Variants in LRBA observed in about 807,000 individuals in gnomAD.
LRBA encodes the protein LPS responsive beige-like anchor protein, also known as lipopolysaccharide-responsive and beige-like anchor protein.
LRBA carries 176 observed loss-of-function variants against 330.0 expected under a neutral mutation model. The ratio of observed to expected loss-of-function variants is 0.53; its 90% CI spans 0.47 to 0.60. The LOEUF (loss-of-function observed/expected upper bound fraction) is 0.60. Ranked by LOEUF, LRBA falls within the 20% of genes least tolerant of loss-of-function variation. LRBA has a pLI of 0.00. For missense variants in LRBA, 3,259 were observed against 3,444.8 expected (o/e 0.95, Z 1.35); for synonymous variants, 1,230 against 1,193.0 (o/e 1.03, Z -0.64).
At chr4:150,660,274 C>CG (rs1554074912) in intron 37 of LRBA, among the ~76,000 whole-genome samples, 269 of 308 alleles carry the variant, frequency 0.87, 134 homozygotes, top group South Asian at 1. Flanking sequence ...GCCCCACGCC[C>CG]GCCAGCCGCC....
At position 150,928,569 on chromosome 4, in the gene LRBA, C is replaced by T. The variant is rs750122953; in HGVS notation, c.496G>A (p.Val166Ile). The T allele has an allele frequency of 2.5e-6, 4 of 1,613,732 alleles. No individual in the cohort carries two copies. The African/African-American group carries it at 5.3e-5, about 22-fold the overall frequency. Residue 166 changes from valine (V) to isoleucine (I), a missense_variant, in exon 4 of 57, where the codon GTT becomes ATT. By Grantham distance (29) the Val-to-Ile change is conservative. Transcript: ENST00000651943. ...LGVLASYNLT[V>I]RELKLFFSKL... ...CTGAAGAAAAGCTTTAGCTCGCGAA[C>T]TGTCAAATTATAGCTAGCCAGCACT...
chr4:150,282,097 A>G (rs535030168), intron 55 of LRBA, among the ~76,000 whole-genome samples: 1 of 152,334 alleles, frequency 6.6e-6, no homozygotes, highest in Non-Finnish European at 1.5e-5. Flanking sequence ...CTAATGTACT[A>G]TTTCAGCTTT....
intron 2 of LRBA, among the ~76,000 whole-genome samples, chr4:150,941,599 T>C (rs747504667): frequency 1.3e-5 from 2 of 152,210 alleles, no homozygotes; most frequent in Admixed American, 6.5e-5. Context: ...ACATTTCTTA[T>C]ATAGTGTCTG....
intron 41 of LRBA, among the ~76,000 whole-genome samples, chr4:150,488,977 T>C (rs1351059233): frequency 8.0e-6 from 1 of 124,258 alleles, no homozygotes; most frequent in African/African-American, 3.0e-5. Flanking sequence ...TATATAAGAA[T>C]ATATAACATA....
At chr4:150,654,433 C>G (rs902905084) in intron 37 of LRBA, among the ~76,000 whole-genome samples, 1 of 152,176 alleles carries the variant, frequency 6.6e-6, no homozygotes, top group Non-Finnish European at 1.5e-5. Context: ...ACGCGATCCA[C>G]CCATCTTGGC....
chr4:150,409,608 G>T (rs1352136731), intron 47 of LRBA, among the ~76,000 whole-genome samples: 1 of 151,912 alleles, frequency 6.6e-6, no homozygotes, highest in Non-Finnish European at 1.5e-5. Flanking sequence ...TCCCCAAAAG[G>T]ATTTTGGCCA....
chr4:150,820,929 A>G (rs1025349447), intron 30 of LRBA, among the ~76,000 whole-genome samples: 12 of 152,104 alleles, frequency 7.9e-5, no homozygotes, highest in Non-Finnish European at 2.9e-5. Flanking sequence ...AAGATTGATC[A>G]TGCAAAAACT....
intron 2 of LRBA, among the ~76,000 whole-genome samples, chr4:150,967,594 AC>A (rs1739046011): frequency 6.6e-6 from 1 of 152,220 alleles, no homozygotes; most frequent in Non-Finnish European, 1.5e-5. Flanking sequence ...CTTTGCAGAT[AC>A]AGCATTTTTT....
chr4:150,435,194 CA>C (rs1015150065), intron 46 of LRBA, among the ~76,000 whole-genome samples: 1 of 151,344 alleles, frequency 6.6e-6, no homozygotes, highest in African/African-American at 2.4e-5. Flanking sequence ...AAAAAAAATA[CA>C]AAAAAACTAG....
At chr4:150,945,864 A>C (rs1457218024) in intron 2 of LRBA, among the ~76,000 whole-genome samples, 2 of 151,838 alleles carry the variant, frequency 1.3e-5, no homozygotes, top group African/African-American at 4.8e-5. Flanking sequence ...CAGTGGCACA[A>C]TCTCAGCTCA....
chr4:150,793,409 T>C (rs1238615201), intron 34 of LRBA, among the ~76,000 whole-genome samples: 4 of 152,166 alleles, frequency 2.6e-5, no homozygotes, highest in Non-Finnish European at 4.4e-5. Flanking sequence ...ATTAGTTGTC[T>C]TAATGAAAAT....
chr4:150,825,566 A>T (rs911668614), intron 30 of LRBA, among the ~76,000 whole-genome samples: 1 of 151,946 alleles, frequency 6.6e-6, no homozygotes, highest in Non-Finnish European at 1.5e-5. Flanking sequence ...GTGGGGTTTC[A>T]CCATGTTGGC....
chr4:150,553,167 G>A (rs564092953), intron 40 of LRBA, among the ~76,000 whole-genome samples: 1 of 152,096 alleles, frequency 6.6e-6, no homozygotes, highest in South Asian at 2.1e-4. Context: ...GTCATTTGTA[G>A]GGACATGGAT....
intron 36 of LRBA, among the ~76,000 whole-genome samples, chr4:150,699,643 A>AGAG (rs1320971568): frequency 1.1e-4 from 16 of 152,206 alleles, no homozygotes; most frequent in Non-Finnish European, 1.9e-4. Context: ...TAATGGGTAC[A>AGAG]TTAGGTTTAT....
intron 4 of LRBA, among the ~76,000 whole-genome samples, chr4:150,925,979 C>T (rs1364089172): frequency 6.6e-6 from 1 of 152,052 alleles, no homozygotes; most frequent in Admixed American, 6.5e-5. Context: ...CCTGAGAAAA[C>T]AAAATGACTT....
intron 48 of LRBA, among the ~76,000 whole-genome samples, chr4:150,347,780 T>A (rs1736594343): frequency 6.6e-6 from 1 of 152,218 alleles, no homozygotes; most frequent in African/African-American, 2.4e-5. Flanking sequence ...TACACCTATA[T>A]TCAAATATAT....
At chr4:150,525,471 T>C (rs917148496) in intron 40 of LRBA, among the ~76,000 whole-genome samples, 1 of 152,184 alleles carries the variant, frequency 6.6e-6, no homozygotes, top group Non-Finnish European at 1.5e-5. Flanking sequence ...GTGTGCTAGA[T>C]AAACGGCCTA....
intron 34 of LRBA, among the ~76,000 whole-genome samples, chr4:150,791,636 T>G (rs895760951): frequency 3.3e-5 from 5 of 152,150 alleles, no homozygotes; most frequent in African/African-American, 1.2e-4. Flanking sequence ...ACCATAAAAC[T>G]GAAAATTCTA....
intron 40 of LRBA, among the ~76,000 whole-genome samples, chr4:150,565,561 T>C (rs1444068844): frequency 6.6e-6 from 1 of 152,030 alleles, no homozygotes; most frequent in East Asian, 1.9e-4. Context: ...ATACACAACA[T>C]TGTAGAATAG....
Sources: gnomAD v4.1 joint callset for allele counts (sites outside exome capture counted in the v4.1 genomes callset) on GRCh38, gnomAD v4.1.1 for gene constraint, MANE v1.5 for transcripts, NCBI Gene and HGNC (gene_info 2026-07-23, HGNC 2026-07-21) for gene names.